FDFT1: variants seen among roughly 807,000 people sequenced by gnomAD.
FDFT1 encodes the protein squalene synthase.
A neutral mutation model predicts 46.8 loss-of-function variants in FDFT1; 68 were observed. The ratio of observed to expected loss-of-function variants is 1.45; its 90% CI spans 1.19 to 1.78. The LOEUF (loss-of-function observed/expected upper bound fraction) is 1.78. Ranked by LOEUF, FDFT1 falls within the 40% of genes most tolerant of loss-of-function variation. The probability of loss-of-function intolerance (pLI) is 0.00; values close to 1 mark genes in which losing one functional copy is unlikely to be tolerated. For synonymous variants in FDFT1, 351 were observed against 185.1 expected (o/e 1.90, Z -7.28); for missense variants, 928 against 524.4 (o/e 1.77, Z -7.52).
chr8:11,823,880 A>G (rs1809597095), intron 4 of FDFT1, among the ~76,000 whole-genome samples: 1 of 152,156 alleles, frequency 6.6e-6, no homozygotes, highest in Non-Finnish European at 1.5e-5. Context: ...ATTAGCTGGG[A>G]CTATAGGTCC....
intron 5 of FDFT1, among the ~76,000 whole-genome samples, chr8:11,829,703 C>T (rs561361991): frequency 3.3e-5 from 5 of 152,266 alleles, no homozygotes; most frequent in Admixed American, 6.5e-5. Flanking sequence ...CTCCCCAATA[C>T]GTAACTCACT....
At chr8:11,808,335 G>T in intron 1 of FDFT1, 1 of 1,234,092 alleles carries the variant, frequency 8.1e-7, no homozygotes, top group Non-Finnish European at 1.0e-6. Flanking sequence ...GGGCAACAGC[G>T]GGAGGAGGCG....
chr8:11,802,369 C>G (rs1016702436), upstream of FDFT1: 5 of 450,866 alleles, frequency 1.1e-5, no homozygotes, highest in East Asian at 2.8e-4. Context: ...ACTGCTCTCC[C>G]GACTGCGGAC....
chr8:11,829,893 G>C lies in FDFT1; in HGVS notation c.703-351G>C, dbSNP rs1810535528. On this transcript the variant is annotated intron_variant, in intron 5 of 7. Transcript: ENST00000220584. ...GACGGAGTCTCACTCTTTCACCCAG[G>C]CTGGAGTGCAATGGCGAGATCTTGA... is the stretch of plus-strand genomic sequence containing the variant. Among the ~76,000 whole-genome samples, 5 of 148,106 alleles carry C rather than the reference G, an allele frequency of 3.4e-5. No individual in the cohort carries two copies. The South Asian group carries it at 1.0e-3, about 31-fold the overall frequency.
chr8:11,832,664 C>T (rs575792101), intron 7 of FDFT1, among the ~76,000 whole-genome samples: 139 of 151,342 alleles, frequency 9.2e-4, no homozygotes, highest in Non-Finnish European at 1.5e-3. Flanking sequence ...TGCTCCCCTC[C>T]CCCCAGAGGA....
rs746780985 is a variant in FDFT1, at chr8:11,831,575, G to C, written c.937G>C (p.Ala313Pro). 2 of 1,613,918 alleles carry C rather than the reference G, an allele frequency of 1.2e-6. No individual in the cohort carries two copies. Among genetic ancestry groups the C allele is most frequent in the East Asian group, 2.2e-5 (1 of 44,898 alleles). The change falls in exon 7 of 8, where the codon GCA becomes CCA. Residue 313 changes from alanine (A) to proline (P), a missense_variant. Coordinates refer to ENST00000220584, the MANE Select transcript of FDFT1 (RefSeq NM_004462.5). ...TAATAACCAGCAGGTGTTCAAAGGGGCAGTGAAGATTCGGAAAGGGCAAGC... is the reference window on the plus strand; with the variant it reads ...TAATAACCAGCAGGTGTTCAAAGGGCCAGTGAAGATTCGGAAAGGGCAAGC... ...CYNNQQVFKGAVKIRKGQAVT... is the reference protein window; with the variant it reads ...CYNNQQVFKGPVKIRKGQAVT...
chr8:11,834,490 G>T (rs1369365910), intron 7 of FDFT1, among the ~76,000 whole-genome samples: 1 of 152,102 alleles, frequency 6.6e-6, no homozygotes. Flanking sequence ...AGAATCATCC[G>T]GCTCTTTGAG....
intron 5 of FDFT1, among the ~76,000 whole-genome samples, chr8:11,828,743 C>G (rs1050415563): frequency 6.6e-6 from 1 of 152,236 alleles, no homozygotes; most frequent in Non-Finnish European, 1.5e-5. Context: ...CTGGACATTT[C>G]GTAGTAGTTG....
upstream of FDFT1, chr8:11,802,208 A>T (rs777595289): frequency 3.4e-5 from 14 of 409,164 alleles, no homozygotes; most frequent in South Asian, 7.0e-5. Flanking sequence ...CGGGTGTGTT[A>T]CAGTAAAGAC....
chr8:11,829,834 G>GTTT (rs140084347), intron 5 of FDFT1, among the ~76,000 whole-genome samples: 3 of 150,396 alleles, frequency 2.0e-5, no homozygotes, highest in Non-Finnish European at 4.4e-5. Context: ...ATATCATAGT[G>GTTT]TTTTTTTTTG....
intron 3 of FDFT1, among the ~76,000 whole-genome samples, chr8:11,811,466 T>A (rs1203403946): frequency 6.6e-6 from 1 of 152,202 alleles, no homozygotes; most frequent in Non-Finnish European, 1.5e-5. Flanking sequence ...GGCAGCCCTA[T>A]CCCCTCAGCA....
At chr8:11,816,752 G>C (rs897971410) in intron 3 of FDFT1, among the ~76,000 whole-genome samples, 3 of 152,174 alleles carry the variant, frequency 2.0e-5, no homozygotes, top group Admixed American at 6.5e-5. Flanking sequence ...TTGCTTATCA[G>C]CTTAAGGAGA....
chr8:11,814,443 A>C (rs1055108539), intron 3 of FDFT1, among the ~76,000 whole-genome samples: 13 of 151,944 alleles, frequency 8.6e-5, no homozygotes, highest in African/African-American at 2.9e-4. Context: ...GTGTATTCCG[A>C]GGAAGTTTTT....
At chr8:11,822,844 C>G (rs909394864) in intron 4 of FDFT1, among the ~76,000 whole-genome samples, 1 of 152,190 alleles carries the variant, frequency 6.6e-6, no homozygotes, top group Admixed American at 6.5e-5. Context: ...GTTAAAACTT[C>G]TGGCCAAGAA....
chr8:11,833,379 C>G (rs1017402267), intron 7 of FDFT1, among the ~76,000 whole-genome samples: 30 of 152,196 alleles, frequency 2.0e-4, no homozygotes, highest in African/African-American at 7.0e-4. Flanking sequence ...TTCAACTACC[C>G]TTTCTAAATG....
chr8:11,806,236 A>G (rs188471781), intron 1 of FDFT1, among the ~76,000 whole-genome samples: 12 of 152,060 alleles, frequency 7.9e-5, no homozygotes, highest in Non-Finnish European at 1.5e-4. Context: ...AGCTTTTGGG[A>G]GTGTGCTGAA....
At chr8:11,810,120 C>T in intron 3 of FDFT1, 1 of 411,166 alleles carries the variant, frequency 2.4e-6, no homozygotes, top group Non-Finnish European at 4.3e-6. Context: ...ATAATAACAC[C>T]TACCTCATGG....
At chr8:11,827,622 G>GC (rs1810181589) in intron 5 of FDFT1, among the ~76,000 whole-genome samples, 1 of 151,980 alleles carries the variant, frequency 6.6e-6, no homozygotes, top group Admixed American at 6.5e-5. Flanking sequence ...TAAGAAAAAG[G>GC]CCAACTGCCC....
chr8:11,803,045 C>T (rs1253342991), intron 1 of FDFT1, 114 bp downstream of exon 1: 5 of 1,471,182 alleles, frequency 3.4e-6, no homozygotes, highest in East Asian at 2.5e-5. Context: ...GCAGGGCCGA[C>T]GCCTGGGTGT....
Sources: gnomAD v4.1 joint callset for allele counts (sites outside exome capture counted in the v4.1 genomes callset) on GRCh38, gnomAD v4.1.1 for gene constraint, MANE v1.5 for transcripts, NCBI Gene and HGNC (gene_info 2026-07-23, HGNC 2026-07-21) for gene names.